The following HTT variants were observed in gnomAD, a reference collection of about 807,000 sequenced individuals.
HTT encodes the protein huntingtin.
A neutral mutation model predicts 362.3 loss-of-function variants in HTT; 104 were observed. The ratio of observed to expected loss-of-function variants is 0.29; its 90% CI spans 0.24 to 0.34. The LOEUF (loss-of-function observed/expected upper bound fraction) is 0.34, where lower values mean the gene tolerates loss of function less well. Ranked by LOEUF, HTT falls within the 10% of genes least tolerant of loss-of-function variation. The pLI is 1.00. For missense variants in HTT, 3,301 were observed against 3,928.6 expected (o/e 0.84, Z 4.27); for synonymous variants, 1,577 against 1,548.7 (o/e 1.02, Z -0.43).
chr4:3,237,784 A>T (rs1316533170), intron 64 of HTT, among the ~76,000 whole-genome samples: 1 of 152,102 alleles, frequency 6.6e-6, no homozygotes, highest in Admixed American at 6.5e-5. Flanking sequence ...TGAGACGGGA[A>T]CGTGATGGTT....
chr4:3,235,419 T>C, intron 62 of HTT, 21 bp downstream of exon 62: 1 of 1,545,280 alleles, frequency 6.5e-7, no homozygotes, highest in Non-Finnish European at 8.9e-7. Flanking sequence ...CCTGGCTGTC[T>C]TCCTCTGCAC....
Position 3,218,831 on chromosome 4 carries a change from G to A in HTT, c.7242+879G>A, listed in dbSNP as rs1480448980. ...GCAGCATCCTCAGGCAGGAAAGAAA[G>A]GCCGACCTGGCAGGGTGTGAGCCAG... On this transcript the variant is annotated intron_variant, in intron 52 of 66. Transcript: ENST00000355072. The surrounding 1 kb of genome is among the most constrained non-coding windows in gnomAD (Gnocchi z 4.4). Among the ~76,000 whole-genome samples, 1 of 152,188 alleles carries A rather than the reference G, an allele frequency of 6.6e-6. No homozygotes were observed. Among genetic ancestry groups the A allele is most frequent in the Non-Finnish European group, 1.5e-5 (1 of 68,034 alleles).
intron 2 of HTT, among the ~76,000 whole-genome samples, chr4:3,092,647 G>T (rs377255005): frequency 8.5e-5 from 13 of 152,166 alleles, no homozygotes; most frequent in South Asian, 6.2e-4. Flanking sequence ...CTCCCAAAGC[G>T]CTGAGATTAC....
chr4:3,122,067 C>T (rs1014642150), intron 9 of HTT, among the ~76,000 whole-genome samples: 12 of 152,226 alleles, frequency 7.9e-5, no homozygotes, highest in Admixed American at 1.3e-4. Context: ...ATCTTCAAGT[C>T]GTCAGAGGGA....
chr4:3,226,923 T>C (rs1720948793), intron 57 of HTT, among the ~76,000 whole-genome samples: 1 of 152,258 alleles, frequency 6.6e-6, no homozygotes, highest in South Asian at 2.1e-4. Flanking sequence ...CCCACTCTTC[T>C]GTCCTTTCAC....
chr4:3,085,502 G>A (rs895340168), intron 1 of HTT, among the ~76,000 whole-genome samples: 1 of 152,154 alleles, frequency 6.6e-6, no homozygotes, highest in Non-Finnish European at 1.5e-5. Context: ...AGCCAGGACT[G>A]TTCTTACCCT....
intron 2 of HTT, among the ~76,000 whole-genome samples, chr4:3,087,804 G>C (rs571470444): frequency 6.6e-6 from 1 of 152,290 alleles, no homozygotes; most frequent in South Asian, 2.1e-4. Context: ...AAAATTTTTA[G>C]ACAAATAATC....
chr4:3,190,507 C>T (rs191326928), intron 40 of HTT, among the ~76,000 whole-genome samples: 12 of 151,840 alleles, frequency 7.9e-5, no homozygotes, highest in Non-Finnish European at 1.6e-4. Flanking sequence ...GAGGCTGAGG[C>T]GGGGTGATCG....
At chr4:3,239,795 G>A in intron 66 of HTT, 51 bp from the exon 67 acceptor site, 1 of 1,379,184 alleles carries the variant, frequency 7.3e-7, no homozygotes, top group Non-Finnish European at 1.0e-6. Context: ...TGAGGACAGG[G>A]AGGCAGCATT....
intron 11 of HTT, among the ~76,000 whole-genome samples, chr4:3,126,680 C>T (rs1407707224): frequency 6.6e-6 from 1 of 152,232 alleles, no homozygotes; most frequent in Non-Finnish European, 1.5e-5. Context: ...CCACTGCCAA[C>T]AGCTTCATGT....
intron 35 of HTT, among the ~76,000 whole-genome samples, chr4:3,179,161 G>A (rs934578644): frequency 6.6e-6 from 1 of 152,116 alleles, no homozygotes; most frequent in African/African-American, 2.4e-5. Context: ...GAGTCTTTTC[G>A]ACTCAGCGTG....
chr4:3,115,647 A>G (rs1714982283), intron 7 of HTT, among the ~76,000 whole-genome samples: 1 of 152,204 alleles, frequency 6.6e-6, no homozygotes, highest in Admixed American at 6.5e-5. Flanking sequence ...GGGACTGGGC[A>G]GTGGGTGTGG....
At chr4:3,102,809 A>C (rs1293263919) in intron 3 of HTT, among the ~76,000 whole-genome samples, 1 of 152,222 alleles carries the variant, frequency 6.6e-6, no homozygotes, top group African/African-American at 2.4e-5. Flanking sequence ...GCCCTTCTCT[A>C]ATGTGGACTT....
At chr4:3,198,821 C>T (rs1238350095) in intron 40 of HTT, among the ~76,000 whole-genome samples, 1 of 152,244 alleles carries the variant, frequency 6.6e-6, no homozygotes, top group Admixed American at 6.5e-5. Context: ...TGTGGGGAGG[C>T]TGACCGCTTG....
rs750689484 is a variant in HTT at position 3,235,648 on chromosome 4, C to T, written c.8655C>T (p.Leu2885=). The T allele has an allele frequency of 1.2e-6, 2 of 1,613,828 alleles. No individual in the cohort carries two copies. The highest frequency in any genetic ancestry group is 2.2e-5 in the South Asian group (2 of 91,084). Reference sequence around the variant, plus strand: ...GTGCCCTCAGAGGCCTGGAGCGCCTCCTGCTCTCTGAGCAGCTCTCCCGCC... The same window carrying T: ...GTGCCCTCAGAGGCCTGGAGCGCCTTCTGCTCTCTGAGCAGCTCTCCCGCC... ...YHCALRGLER[L]LLSEQLSRLD... is the part of the protein sequence containing the mutation. The change falls in exon 63 of 67, where the codon CTC becomes CTT. Residue 2885 remains leucine (L), a synonymous_variant. Coordinates refer to ENST00000355072, the MANE Select transcript of HTT (RefSeq NM_001388492.1).
intron 40 of HTT, among the ~76,000 whole-genome samples, chr4:3,198,888 G>T (rs1263381892): frequency 2.6e-5 from 4 of 152,222 alleles, no homozygotes; most frequent in Non-Finnish European, 5.9e-5. Context: ...TGGCTGTCAG[G>T]TGTCAGGAGC....
At chr4:3,108,192 C>T (rs1248197600) in intron 6 of HTT, among the ~76,000 whole-genome samples, 1 of 152,176 alleles carries the variant, frequency 6.6e-6, no homozygotes, top group Non-Finnish European at 1.5e-5. Flanking sequence ...CATAGTCACC[C>T]ACGGGAAGGG....
chr4:3,083,340 C>T (rs983296034), intron 1 of HTT, among the ~76,000 whole-genome samples: 1 of 151,880 alleles, frequency 6.6e-6, no homozygotes, highest in African/African-American at 2.4e-5. Context: ...CATAGCAGCA[C>T]CTATAAGGTC....
At chr4:3,178,601 G>A (rs146702589) in intron 35 of HTT, among the ~76,000 whole-genome samples, 155 bp downstream of exon 35, 9 of 152,220 alleles carry the variant, frequency 5.9e-5, no homozygotes, top group African/African-American at 1.9e-4. Context: ...GGTTAGAGAC[G>A]TTTCAAAAGA....
Sources: allele counts gnomAD v4.1 joint callset (sites outside exome capture counted in the v4.1 genomes callset), GRCh38; gene constraint gnomAD v4.1.1; non-coding constraint Gnocchi (gnomAD v3.1); transcripts MANE v1.5; gene names NCBI Gene and HGNC (gene_info 2026-07-23, HGNC 2026-07-21).